AOPEP: variants seen among roughly 807,000 people sequenced by gnomAD.
The protein encoded by AOPEP is aminopeptidase O (putative).
Under a neutral mutation model 98.1 loss-of-function variants are expected in AOPEP, and 77 were observed. The observed-to-expected ratio is 0.78, with a 90% confidence interval of 0.65 to 0.95. AOPEP has a LOEUF of 0.95. Among genes scored for constraint, AOPEP ranks in the 40% least tolerant of loss-of-function variants. The probability of loss-of-function intolerance (pLI) is 0.00; values close to 1 mark genes in which losing one functional copy is unlikely to be tolerated. For missense variants in AOPEP, 1,024 were observed against 1,024.7 expected, an observed-to-expected ratio of 1.00 and a Z score of 0.01; for synonymous variants, 346 against 365.3, an observed-to-expected ratio of 0.95 and a Z score of 0.60.
At chr9:94,728,441 C>T (rs1829774513) in intron 1 of AOPEP, among the ~76,000 whole-genome samples, 1 of 152,166 alleles carries the variant, frequency 6.6e-6, no homozygotes, top group Non-Finnish European at 1.5e-5. Flanking sequence ...ATGTACTACA[C>T]AATTTCTTGC....
At chr9:95,079,108 G>A (rs1478197996) in intron 14 of AOPEP, among the ~76,000 whole-genome samples, 1 of 152,232 alleles carries the variant, frequency 6.6e-6, no homozygotes, top group Non-Finnish European at 1.5e-5. Flanking sequence ...GCACTTCAAA[G>A]GGCCTGGCTG....
intron 7 of AOPEP, among the ~76,000 whole-genome samples, chr9:94,938,663 G>A (rs1267851449): frequency 6.6e-6 from 1 of 152,186 alleles, no homozygotes; most frequent in African/African-American, 2.4e-5. Flanking sequence ...CTGAAGGTGG[G>A]CCAGGCAAGG....
chr9:95,099,419 C>A, the AOPEP span: 29 of 227,134 alleles, frequency 1.3e-4, no homozygotes, highest in African/African-American at 6.3e-4. Flanking sequence ...GCCGTCAAGG[C>A]CCCCTCGGCC....
At chr9:94,734,585 A>G (rs1831318621) in intron 1 of AOPEP, among the ~76,000 whole-genome samples, 1 of 152,226 alleles carries the variant, frequency 6.6e-6, no homozygotes, top group Admixed American at 6.5e-5. Flanking sequence ...ACTGAACTCT[A>G]CAGTGGATTT....
At chr9:95,014,062 A>C (rs748783327) in intron 13 of AOPEP, among the ~76,000 whole-genome samples, 21 of 152,216 alleles carry the variant, frequency 1.4e-4, no homozygotes, top group Non-Finnish European at 2.2e-4. Flanking sequence ...TTATATATGA[A>C]GTGCTTTAAA....
At chr9:95,141,035 C>G in the AOPEP span, among the ~76,000 whole-genome samples, 2 of 152,050 alleles carry the variant, frequency 1.3e-5, no homozygotes, top group African/African-American at 4.8e-5. Flanking sequence ...TGTGGCTGGG[C>G]ACAGTGTCTC....
chr9:94,765,439 A>ACATAATAATAATAAT (rs1554706554), intron 2 of AOPEP, among the ~76,000 whole-genome samples: 1 of 123,824 alleles, frequency 8.1e-6, no homozygotes, highest in East Asian at 2.5e-4. Context: ...TTCTCTACAA[A>ACATAATAATAATAAT]AATAATAATA....
intron 5 of AOPEP, among the ~76,000 whole-genome samples, chr9:94,805,652 G>C (rs993648038): frequency 2.6e-5 from 4 of 152,130 alleles, no homozygotes; most frequent in East Asian, 3.8e-4. Flanking sequence ...TAAAAGGTTT[G>C]ATTGTGCAAT....
intron 13 of AOPEP, among the ~76,000 whole-genome samples, chr9:95,013,550 T>C (rs1187857352): frequency 6.6e-6 from 1 of 152,210 alleles, no homozygotes. Context: ...CATACTATGC[T>C]GTACCCTTTA....
chr9:95,033,489 T>G (rs1333587377), intron 13 of AOPEP, among the ~76,000 whole-genome samples: 1 of 152,194 alleles, frequency 6.6e-6, no homozygotes, highest in Non-Finnish European at 1.5e-5. Flanking sequence ...TCTGTCTCCA[T>G]CAGTCGGTGT....
At chr9:95,015,373 G>A (rs1451439481) in intron 13 of AOPEP, among the ~76,000 whole-genome samples, 1 of 152,150 alleles carries the variant, frequency 6.6e-6, no homozygotes, top group East Asian at 1.9e-4. Flanking sequence ...GAATCAAGAC[G>A]ATTTGGAAAC....
chr9:95,101,687 C>T, the AOPEP span: 1 of 1,613,172 alleles, frequency 6.2e-7, no homozygotes, highest in Non-Finnish European at 8.5e-7. Flanking sequence ...CGCCGGGCAC[C>T]CACACGGCCT....
At chr9:95,145,071 C>T in the AOPEP span, among the ~76,000 whole-genome samples, 23 of 152,128 alleles carry the variant, frequency 1.5e-4, no homozygotes, top group Non-Finnish European at 2.6e-4. Context: ...CTTTTTAAAT[C>T]TCACTTTCAC....
At chr9:95,087,698 G>A (rs1008173234), downstream of AOPEP, among the ~76,000 whole-genome samples, 1 of 152,118 alleles carries the variant, frequency 6.6e-6, no homozygotes, top group African/African-American at 2.4e-5. Flanking sequence ...TGGGAGTCTG[G>A]TGGTATGATT....
chr9:94,828,282 T>A (rs1392978277), intron 5 of AOPEP, among the ~76,000 whole-genome samples: 1 of 152,208 alleles, frequency 6.6e-6, no homozygotes, highest in Admixed American at 6.5e-5. Context: ...TAAGAATTCA[T>A]TGCCTATTCC....
chr9:95,128,671 A>G, the AOPEP span, among the ~76,000 whole-genome samples: 1 of 152,232 alleles, frequency 6.6e-6, no homozygotes, highest in Non-Finnish European at 1.5e-5. Context: ...GCTGTTTTCT[A>G]GCAAAATCGC....
At chr9:94,890,784 C>T (rs1159787588) in intron 5 of AOPEP, among the ~76,000 whole-genome samples, 2 of 152,022 alleles carry the variant, frequency 1.3e-5, no homozygotes, top group Non-Finnish European at 2.9e-5. Flanking sequence ...TGATTTCTTT[C>T]TAGTTTCATT....
intron 13 of AOPEP, among the ~76,000 whole-genome samples, chr9:95,014,583 A>G (rs1269987015): frequency 2.0e-5 from 3 of 152,190 alleles, no homozygotes; most frequent in African/African-American, 4.8e-5. Context: ...TGAGTCTTCT[A>G]TGTCCCGACA....
chr9:95,127,101 T>C, the AOPEP span: 1 of 156,076 alleles, frequency 6.4e-6, no homozygotes, highest in African/African-American at 2.4e-5. Context: ...TTAATGCACT[T>C]AACAGCTTGC....
Sources: gnomAD v4.1 joint callset for allele counts (sites outside exome capture counted in the v4.1 genomes callset) on GRCh38, gnomAD v4.1.1 for gene constraint, MANE v1.5 for transcripts, NCBI Gene and HGNC (gene_info 2026-07-23, HGNC 2026-07-21) for gene names.